Variants in LPIN1 observed in about 807,000 individuals in gnomAD.
LPIN1 encodes phosphatidate phosphatase LPIN1.
In LPIN1, 71 loss-of-function variants were observed where a neutral mutation model predicts 107.5. That is an observed-to-expected ratio of 0.66 (90% CI 0.55 to 0.80). LPIN1 has a LOEUF of 0.80. Among genes scored for constraint, LPIN1 ranks in the 30% least tolerant of loss-of-function variants. The pLI is 0.00. For synonymous variants in LPIN1, 445 were observed against 452.6 expected (o/e 0.98, Z 0.21); for missense variants, 1,043 against 1,160.6 (o/e 0.90, Z 1.47).
intron 1 of LPIN1, among the ~76,000 whole-genome samples, chr2:11,762,000 A>T (rs1669911068): frequency 1.3e-5 from 2 of 152,112 alleles, no homozygotes; most frequent in South Asian, 4.2e-4. Flanking sequence ...TCCACAGGTT[A>T]AGGGCTCGTT....
chr2:11,742,938 C>T (rs1666520448), upstream of LPIN1, among the ~76,000 whole-genome samples: 1 of 152,240 alleles, frequency 6.6e-6, no homozygotes, highest in Non-Finnish European at 1.5e-5. Context: ...GTTCATTCTG[C>T]TCCTTGACAC....
chr2:11,759,440 C>T (rs1572624266), intron 1 of LPIN1, among the ~76,000 whole-genome samples: 1 of 152,262 alleles, frequency 6.6e-6, no homozygotes, highest in East Asian at 1.9e-4. Flanking sequence ...TTGCACCGCC[C>T]TTAATCCATT....
At chr2:11,746,621 C>A, upstream of LPIN1, 2 of 985,252 alleles carry the variant, frequency 2.0e-6, no homozygotes, top group Non-Finnish European at 1.2e-6. Context: ...TGACAGCCGG[C>A]GGCGGGCTGG....
chr2:11,781,391 A>G (rs1673551702), intron 7 of LPIN1, among the ~76,000 whole-genome samples: 1 of 152,262 alleles, frequency 6.6e-6, no homozygotes, highest in East Asian at 1.9e-4. Context: ...AGTTGTAACC[A>G]CAGATTTTCT....
intron 20 of LPIN1, among the ~76,000 whole-genome samples, chr2:11,822,700 T>C (rs941754638): frequency 6.6e-6 from 1 of 152,234 alleles, no homozygotes; most frequent in South Asian, 2.1e-4. Flanking sequence ...AGATGAGATT[T>C]GGGTGGGGAC....
At chr2:11,741,196 G>A in intron 1 of LPIN1, 1 of 566,512 alleles carries the variant, frequency 1.8e-6, no homozygotes, top group Non-Finnish European at 3.1e-6. Flanking sequence ...CCCCATAGAG[G>A]GACTGACCAG....
intron 1 of LPIN1, among the ~76,000 whole-genome samples, chr2:11,688,663 A>G (rs907822380): frequency 6.6e-6 from 1 of 152,276 alleles, no homozygotes; most frequent in African/African-American, 2.4e-5. Context: ...CCCTCGCCAC[A>G]GGGGAGTGTT....
intron 1 of LPIN1, among the ~76,000 whole-genome samples, chr2:11,689,678 C>G (rs1266613780): frequency 6.6e-6 from 1 of 152,122 alleles, no homozygotes; most frequent in Non-Finnish European, 1.5e-5. Flanking sequence ...CCGAGGCAGG[C>G]AGATTGTCTG....
In LPIN1 at chr2:11,815,158, C is replaced by T. The variant is rs752211549; in HGVS notation, c.2320C>T (p.His774Tyr). 1.9e-5 allele frequency: 30 copies of T among 1,614,114 alleles called. No individual in the cohort carries two copies. The African/African-American group carries it at 3.1e-4, about 17-fold the overall frequency. The change falls in exon 18 of 21, where the codon CAC (histidine) becomes TAC (tyrosine). Residue 774 changes from histidine to tyrosine, a missense_variant. Transcript: ENST00000674199. ...GMADMTRGYL[H>Y]WVNERGTVLP... ...GGCGGACATGACGCGGGGCTACCTG[C>T]ACTGGGTCAACGAGAGGGGCACGGT...
intron 1 of LPIN1, among the ~76,000 whole-genome samples, chr2:11,679,844 G>A (rs938355491): frequency 2.0e-5 from 3 of 152,264 alleles, no homozygotes; most frequent in African/African-American, 7.2e-5. Flanking sequence ...CTGCAGAGCT[G>A]GCTTCCTGCA....
At chr2:11,789,685 T>C (rs763319065) in intron 12 of LPIN1, among the ~76,000 whole-genome samples, 4 of 151,762 alleles carry the variant, frequency 2.6e-5, no homozygotes, top group Non-Finnish European at 5.9e-5. Flanking sequence ...CCAGAGTGGT[T>C]TTTATTTTGT....
chr2:11,821,399 C>T (rs1681494135), intron 20 of LPIN1, among the ~76,000 whole-genome samples: 1 of 152,164 alleles, frequency 6.6e-6, no homozygotes, highest in South Asian at 2.1e-4. Context: ...TGCCTGTAAT[C>T]CCAGCTACTC....
intron 1 of LPIN1, among the ~76,000 whole-genome samples, chr2:11,755,525 A>C (rs1668539814): frequency 6.6e-6 from 1 of 152,134 alleles, no homozygotes; most frequent in African/African-American, 2.4e-5. Flanking sequence ...GACAAATGAC[A>C]GTAATATTGA....
At chr2:11,693,822 ATTTTTT>A (rs34409476) in intron 1 of LPIN1, among the ~76,000 whole-genome samples, 103 of 18,862 alleles carry the variant, frequency 5.5e-3, no homozygotes, top group African/African-American at 0.016. Context: ...ATATATATAT[ATTTTTT>A]TTTTTTTTTT....
intron 2 of LPIN1, chr2:11,741,454 A>T (rs763213270): frequency 6.8e-7 from 1 of 1,475,440 alleles, no homozygotes; most frequent in Non-Finnish European, 9.3e-7. Flanking sequence ...CAGTAGTTCT[A>T]TTACTGTTAA....
chr2:11,718,748 T>TCTTTGTGTTCTGAAACTTCACACTG lies in LPIN1; in HGVS notation c.138+4937_138+4961dup, dbSNP rs1672894874. Among the ~76,000 whole-genome samples the TCTTTGTGTTCTGAAACTTCACACTG allele has an allele frequency of 2.6e-5, 4 of 152,256 alleles. 1 individual carries two copies. Among genetic ancestry groups the TCTTTGTGTTCTGAAACTTCACACTG allele is most frequent in the African/African-American group, 7.2e-5 (3 of 41,462 alleles). The stretch of plus-strand genomic sequence containing the variant: ...GAAGCTTTTAGGATCTTCTGCTAAC[T>TCTTTGTGTTCTGAAACTTCACACTG]CTTTGTGTTCTGAAACTTCACACTG... On this transcript the variant is annotated intron_variant, in intron 2 of 21. Coordinates refer to the LPIN1 transcript ENST00000449576.
intron 17 of LPIN1, among the ~76,000 whole-genome samples, chr2:11,810,808 A>G (rs1679516525): frequency 6.6e-6 from 1 of 152,168 alleles, no homozygotes; most frequent in Non-Finnish European, 1.5e-5. Context: ...GTGTTGAGAA[A>G]CTGCAGTCTA....
At chr2:11,768,247 A>G (rs907810200) in intron 3 of LPIN1, among the ~76,000 whole-genome samples, 3 of 152,242 alleles carry the variant, frequency 2.0e-5, no homozygotes, top group African/African-American at 7.2e-5. Context: ...TTATTGAGAT[A>G]TACATCACAT....
At chr2:11,730,441 G>A (rs990821593) in intron 1 of LPIN1, among the ~76,000 whole-genome samples, 1 of 152,124 alleles carries the variant, frequency 6.6e-6, no homozygotes, top group African/African-American at 2.4e-5. Context: ...AGACATCAAC[G>A]TATTAAGCAT....
Sources: gnomAD v4.1 joint callset for allele counts (sites outside exome capture counted in the v4.1 genomes callset) on GRCh38, gnomAD v4.1.1 for gene constraint, MANE v1.5 for transcripts, NCBI Gene and HGNC (gene_info 2026-07-23, HGNC 2026-07-21) for gene names.